LRRC69: variants seen among roughly 807,000 people sequenced by gnomAD.
LRRC69 encodes the protein leucine rich repeat containing 69, also known as leucine-rich repeat-containing protein 69.
LRRC69 carries 42 observed loss-of-function variants against 37.8 expected under a neutral mutation model. The ratio of observed to expected loss-of-function variants is 1.11; its 90% CI spans 0.87 to 1.44. LRRC69 has a LOEUF of 1.44. Ranked by LOEUF, LRRC69 falls within the 40% of genes most tolerant of loss-of-function variation. LRRC69 has a pLI of 0.00. For missense variants in LRRC69, 357 were observed against 401.9 expected, an observed-to-expected ratio of 0.89 and a Z score of 0.96; for synonymous variants, 141 against 143.1, an observed-to-expected ratio of 0.99 and a Z score of 0.11.
chr8:91,191,049 C>CT (rs978722830), intron 6 of LRRC69, among the ~76,000 whole-genome samples: 5 of 144,972 alleles, frequency 3.4e-5, no homozygotes, highest in African/African-American at 1.3e-4. Context: ...AAACCCCCCC[C>CT]CCCCCAAGTC....
intron 5 of LRRC69, among the ~76,000 whole-genome samples, chr8:91,154,587 A>G (rs1336427607): frequency 6.6e-6 from 1 of 151,994 alleles, no homozygotes; most frequent in Non-Finnish European, 1.5e-5. Flanking sequence ...AAATCAATAA[A>G]TATAATTCAT....
intron 7 of LRRC69, among the ~76,000 whole-genome samples, chr8:91,205,088 T>C (rs1304861810): frequency 6.6e-6 from 1 of 152,182 alleles, no homozygotes; most frequent in East Asian, 1.9e-4. Flanking sequence ...GTAGCCTACC[T>C]AGAAAGATTG....
chr8:91,210,478 G>C (rs571222195), intron 7 of LRRC69, among the ~76,000 whole-genome samples: 1 of 151,836 alleles, frequency 6.6e-6, no homozygotes, highest in Non-Finnish European at 1.5e-5. Context: ...GACTTGCAGA[G>C]TAAGAAAATA....
chr8:91,158,383 A>C (rs1808875258), intron 5 of LRRC69: 1 of 1,415,248 alleles, frequency 7.1e-7, no homozygotes, highest in Non-Finnish European at 1.0e-6. Context: ...ACATCAAAAC[A>C]AACTCTGATC....
chr8:91,109,331 A>G (rs1467448768), intron 1 of LRRC69, among the ~76,000 whole-genome samples: 3 of 152,060 alleles, frequency 2.0e-5, no homozygotes, highest in African/African-American at 7.2e-5. Context: ...CTATCTGTAG[A>G]CCTGCCTTGA....
At chr8:91,171,327 A>G (rs1809127433) in intron 5 of LRRC69, among the ~76,000 whole-genome samples, 1 of 151,792 alleles carries the variant, frequency 6.6e-6, no homozygotes, top group Non-Finnish European at 1.5e-5. Context: ...TTATATTGTC[A>G]GAGTTGAGCT....
intron 5 of LRRC69, among the ~76,000 whole-genome samples, chr8:91,187,322 C>A (rs1197380669): frequency 6.6e-6 from 1 of 152,220 alleles, no homozygotes; most frequent in East Asian, 1.9e-4. Flanking sequence ...ATTGAGACTT[C>A]ATGTCTTGCC....
At chr8:91,121,859 CTGTT>C (rs530538050) in intron 1 of LRRC69, among the ~76,000 whole-genome samples, 20 of 152,132 alleles carry the variant, frequency 1.3e-4, no homozygotes, top group Middle Eastern at 3.4e-3. Context: ...CATTTTTAAG[CTGTT>C]TGTTTATGGA....
At chr8:91,108,652 A>G (rs1336833702) in intron 1 of LRRC69, among the ~76,000 whole-genome samples, 1 of 152,084 alleles carries the variant, frequency 6.6e-6, no homozygotes, top group African/African-American at 2.4e-5. Context: ...CGCGGGCCAC[A>G]TGCGGCCCAG....
At chr8:91,169,491 A>G (rs1344274258) in intron 5 of LRRC69, among the ~76,000 whole-genome samples, 1 of 151,590 alleles carries the variant, frequency 6.6e-6, no homozygotes, top group African/African-American at 2.4e-5. Flanking sequence ...GACACAAAGG[A>G]GCATGAGTAC....
intron 7 of LRRC69, among the ~76,000 whole-genome samples, chr8:91,215,293 T>G (rs1586296172): frequency 6.6e-6 from 1 of 152,306 alleles, no homozygotes; most frequent in East Asian, 1.9e-4. Flanking sequence ...GCTCTTTTTC[T>G]ATTCCTTGTG....
intron 6 of LRRC69, among the ~76,000 whole-genome samples, chr8:91,195,626 A>G (rs1223068410): frequency 3.1e-4 from 47 of 151,144 alleles, no homozygotes; most frequent in Middle Eastern, 3.4e-3. Flanking sequence ...TTTGATCTTT[A>G]TTGGTTTAAA....
chr8:91,116,147 G>GTT (rs1813507539), intron 1 of LRRC69, among the ~76,000 whole-genome samples: 1 of 151,978 alleles, frequency 6.6e-6, no homozygotes, highest in Admixed American at 6.6e-5. Context: ...ATGTGTGTGT[G>GTT]TATCAGGTGT....
chr8:91,146,283 A>G (rs1274185519), intron 5 of LRRC69, among the ~76,000 whole-genome samples: 1 of 151,732 alleles, frequency 6.6e-6, no homozygotes, highest in Non-Finnish European at 1.5e-5. Flanking sequence ...GAGATCCTCA[A>G]ATTTCAGCAA....
At chr8:91,157,500 T>G (rs560625290) in intron 5 of LRRC69, 1 of 1,570,884 alleles carries the variant, frequency 6.4e-7, no homozygotes, top group East Asian at 2.2e-5. Context: ...GACAGAAAGA[T>G]GTAGACAAGG....
intron 5 of LRRC69, among the ~76,000 whole-genome samples, chr8:91,183,985 T>TA (rs967870300): frequency 2.6e-5 from 4 of 151,582 alleles, no homozygotes; most frequent in Non-Finnish European, 5.9e-5. Context: ...AAGGGTTTCT[T>TA]AAAAAAAAAT....
At chr8:91,199,469 A>G (rs74844298) in intron 6 of LRRC69, among the ~76,000 whole-genome samples, 1,563 of 152,302 alleles carry the variant, frequency 0.01, 16 homozygotes, top group East Asian at 0.096. Flanking sequence ...GGACACAGCA[A>G]TTTATAAGAT....
intron 3 of LRRC69, chr8:91,130,298 G>A (rs1813785337): frequency 6.6e-6 from 1 of 151,976 alleles, no homozygotes. Flanking sequence ...TATTGAGACA[G>A]AGTCTGGCCC....
chr8:91,184,978 G>A (rs1463375999), intron 5 of LRRC69, among the ~76,000 whole-genome samples: 1 of 152,136 alleles, frequency 6.6e-6, no homozygotes, highest in Non-Finnish European at 1.5e-5. Flanking sequence ...AGAAACCACT[G>A]GGTGGTTGTA....
Sources: allele counts gnomAD v4.1 joint callset (sites outside exome capture counted in the v4.1 genomes callset), GRCh38; gene constraint gnomAD v4.1.1; transcripts MANE v1.5; gene names NCBI Gene and HGNC (gene_info 2026-07-23, HGNC 2026-07-21).